The following ZEB1 variants were observed in gnomAD, a reference collection of about 807,000 sequenced individuals.
ZEB1 encodes zinc finger E-box-binding homeobox 1.
Under a neutral mutation model 84.9 loss-of-function variants are expected in ZEB1, and 21 were observed. The observed-to-expected ratio is 0.25, with a 90% CI of 0.18 to 0.36. The LOEUF (loss-of-function observed/expected upper bound fraction) is 0.36. Among genes scored for constraint, ZEB1 ranks in the 10% least tolerant of loss-of-function variants. The pLI, the probability that ZEB1 is intolerant of heterozygous loss-of-function variation, is 1.00. For missense variants in ZEB1, 1,104 were observed against 1,330.2 expected (o/e 0.83, Z 2.65); for synonymous variants, 420 against 471.1 (o/e 0.89, Z 1.41).
chr10:31,476,232 AAG>A (rs199766553), intron 2 of ZEB1, among the ~76,000 whole-genome samples: 4 of 152,032 alleles, frequency 2.6e-5, no homozygotes, highest in South Asian at 2.1e-4. Context: ...ATGAAGAAAA[AAG>A]AGAGAAAATT....
At chr10:31,452,742 T>TGTGTGTGAGAGAGAGAGAGAGA (rs1387786622) in intron 1 of ZEB1, among the ~76,000 whole-genome samples, 1 of 90,736 alleles carries the variant, frequency 1.1e-5, no homozygotes, top group African/African-American at 5.1e-5. Flanking sequence ...TGTGTGTGTG[T>TGTGTGTGAGAGAGAGAGAGAGA]GAGAGAGAGA....
chr10:31,451,794 A>G (rs2137068594), intron 1 of ZEB1, among the ~76,000 whole-genome samples: 1 of 152,274 alleles, frequency 6.6e-6, no homozygotes, highest in South Asian at 2.1e-4. Flanking sequence ...ATTTGGGAGG[A>G]TGGCTCTTGT....
chr10:31,422,480 AGAT>A (rs2056328227), intron 1 of ZEB1, among the ~76,000 whole-genome samples: 1 of 152,116 alleles, frequency 6.6e-6, no homozygotes, highest in Non-Finnish European at 1.5e-5. Context: ...CAGTATCTTC[AGAT>A]TATTGTTTCC....
At chr10:31,459,830 A>T (rs1244390211) in intron 1 of ZEB1, among the ~76,000 whole-genome samples, 1 of 129,810 alleles carries the variant, frequency 7.7e-6, no homozygotes, top group Non-Finnish European at 1.7e-5. Context: ...TGTTCTCAGG[A>T]GTGTGTGTGT....
At chr10:31,342,257 G>A (rs1310837036) in intron 1 of ZEB1, among the ~76,000 whole-genome samples, 1 of 152,146 alleles carries the variant, frequency 6.6e-6, no homozygotes, top group Non-Finnish European at 1.5e-5. Context: ...TGGAAACCGG[G>A]TAAGAAGAGA....
intron 4 of ZEB1, among the ~76,000 whole-genome samples, chr10:31,509,073 C>T (rs920121652): frequency 3.3e-5 from 5 of 152,164 alleles, no homozygotes; most frequent in Admixed American, 2.0e-4. Flanking sequence ...CCTTAGCAGC[C>T]GCAACCAGCA....
intron 1 of ZEB1, chr10:31,360,888 G>T: frequency 7.8e-7 from 1 of 1,289,262 alleles, no homozygotes; most frequent in Non-Finnish European, 1.1e-6. Flanking sequence ...ACAGTGAGCT[G>T]CAGTAACCTG....
In ZEB1 at chr10:31,528,573, C is replaced by G. The variant is rs185686910; in HGVS notation, c.*1309C>G. Reference sequence around the variant, plus strand: ...ATTTTTGTACTGTATGTCTTCAAACCTGGCAGTATTAATACCCTTCTTACT... The same window carrying G: ...ATTTTTGTACTGTATGTCTTCAAACGTGGCAGTATTAATACCCTTCTTACT... On this transcript the variant is annotated 3_prime_UTR_variant, in exon 9 of 9. Coordinates refer to ENST00000424869, the MANE Select transcript of ZEB1 (RefSeq NM_001174096.2). The G allele has an allele frequency of 6.6e-6, 1 of 152,198 alleles. No individual in the cohort carries two copies. Among genetic ancestry groups the G allele is most frequent in the African/African-American group, 2.4e-5 (1 of 41,542 alleles). The allele number at this position is 152,198 out of a possible 1,614,324, so 9.4% of individuals were successfully genotyped here.
intron 2 of ZEB1, 42 bp downstream of exon 2, chr10:31,461,279 C>T (rs376463419): frequency 2.1e-4 from 326 of 1,537,014 alleles, no homozygotes; most frequent in South Asian, 3.8e-4. Flanking sequence ...TCTCATGATT[C>T]GTTTTTTAAA....
intron 1 of ZEB1, among the ~76,000 whole-genome samples, chr10:31,350,623 G>T (rs1042685371): frequency 6.6e-6 from 1 of 152,060 alleles, no homozygotes; most frequent in Non-Finnish European, 1.5e-5. Context: ...ATAATTTAAG[G>T]TTTCATGAAT....
intron 4 of ZEB1, among the ~76,000 whole-genome samples, chr10:31,503,118 C>T (rs527329353): frequency 2.7e-4 from 41 of 152,068 alleles, no homozygotes; most frequent in African/African-American, 9.4e-4. Flanking sequence ...TGTATATTTA[C>T]GTAAAATTTT....
chr10:31,323,241 A>G (rs750464945), intron 1 of ZEB1, among the ~76,000 whole-genome samples: 3 of 152,140 alleles, frequency 2.0e-5, no homozygotes, highest in East Asian at 1.9e-4. Context: ...TATTTAGAAT[A>G]CTTTTTAATC....
chr10:31,403,007 C>T (rs570297448), intron 1 of ZEB1, among the ~76,000 whole-genome samples: 2 of 152,068 alleles, frequency 1.3e-5, no homozygotes, highest in East Asian at 3.9e-4. Context: ...AAATTCAGTA[C>T]AAATATAATA....
Position 31,319,303 on chromosome 10 carries a change from G to T in ZEB1, c.58+11G>T. On this transcript the variant is annotated intron_variant, in intron 1 of 8. Coordinates refer to ENST00000424869, the MANE Select transcript of ZEB1 (RefSeq NM_001174096.2). ...CGCGGCGCAATAACGGTGAGTGGCG[G>T]AGGGGACCGGGGAGCGGCGGAGTCA... 1 of 1,605,978 alleles carries T rather than the reference G, an allele frequency of 6.2e-7. No individual in the cohort carries two copies. The highest frequency in any genetic ancestry group is 8.5e-7 in the Non-Finnish European group (1 of 1,177,220).
At position 31,527,420 on chromosome 10, in the gene ZEB1, C is replaced by A. The variant is rs1343138236; in HGVS notation, c.*156C>A. The A allele has an allele frequency of 1.7e-6, 1 of 577,588 alleles. No homozygotes were observed. Among genetic ancestry groups the A allele is most frequent in the Non-Finnish European group, 2.9e-6 (1 of 349,332 alleles). The allele number at this position is 577,588 out of a possible 1,614,324, so 35.8% of individuals were successfully genotyped here. On this transcript the variant is annotated 3_prime_UTR_variant, in exon 9 of 9. Coordinates refer to ENST00000424869, the MANE Select transcript of ZEB1 (RefSeq NM_001174096.2). ...AAAAATACAAAATACAAAACACACA[C>A]ACACACACACACACACACACACACA... is the stretch of plus-strand genomic sequence containing the variant.
At chr10:31,325,848 C>A (rs1475621854) in intron 1 of ZEB1, among the ~76,000 whole-genome samples, 1 of 151,280 alleles carries the variant, frequency 6.6e-6, no homozygotes, top group Non-Finnish European at 1.5e-5. Flanking sequence ...AATATGACAC[C>A]ATTATTTATA....
intron 1 of ZEB1, among the ~76,000 whole-genome samples, chr10:31,337,273 A>G (rs941775226): frequency 5.3e-5 from 8 of 152,180 alleles, no homozygotes; most frequent in African/African-American, 1.7e-4. Flanking sequence ...AATACACATA[A>G]TACAAGTCTA....
intron 1 of ZEB1, among the ~76,000 whole-genome samples, chr10:31,368,102 T>C (rs2044905276): frequency 6.6e-6 from 1 of 152,086 alleles, no homozygotes; most frequent in Admixed American, 6.6e-5. Context: ...AAAATCCAAA[T>C]ACTGTCCCAC....
chr10:31,449,540 G>T (rs910318516), intron 1 of ZEB1, among the ~76,000 whole-genome samples: 5 of 152,050 alleles, frequency 3.3e-5, no homozygotes, highest in South Asian at 2.1e-4. Context: ...TTGGGGTGGG[G>T]ATCTGATTTT....
Sources: gnomAD v4.1 joint callset for allele counts (sites outside exome capture counted in the v4.1 genomes callset) on GRCh38, gnomAD v4.1.1 for gene constraint, MANE v1.5 for transcripts, NCBI Gene and HGNC (gene_info 2026-07-23, HGNC 2026-07-21) for gene names.